PLEKHG1: variants seen among roughly 807,000 people sequenced by gnomAD.
PLEKHG1 encodes pleckstrin homology and RhoGEF domain containing G1.
PLEKHG1 carries 44 observed loss-of-function variants against 100.8 expected under a neutral mutation model. The ratio of observed to expected loss-of-function variants is 0.44; its 90% CI spans 0.34 to 0.56. The LOEUF is 0.56. PLEKHG1 is among the 20% of genes least tolerant of loss of function. The pLI, the probability that PLEKHG1 is intolerant of heterozygous loss-of-function variation, is 0.01. For missense variants in PLEKHG1, 1,545 were observed against 1,720.9 expected, an observed-to-expected ratio of 0.90 and a Z score of 1.81; for synonymous variants, 640 against 662.5, an observed-to-expected ratio of 0.97 and a Z score of 0.52.
intron 3 of PLEKHG1, among the ~76,000 whole-genome samples, chr6:150,659,094 C>T (rs761424607): frequency 1.6e-4 from 25 of 152,298 alleles, no homozygotes; most frequent in Middle Eastern, 3.4e-3. Context: ...GATGTGCACG[C>T]AGCCCAGCCA....
intron 7 of PLEKHG1, among the ~76,000 whole-genome samples, chr6:150,807,651 A>G (rs1772991646): frequency 6.6e-6 from 1 of 152,184 alleles, no homozygotes; most frequent in Admixed American, 6.5e-5. Flanking sequence ...GGGGTGGTTA[A>G]TGAATACAAA....
At chr6:150,669,264 A>G (rs1239160646) in intron 3 of PLEKHG1, among the ~76,000 whole-genome samples, 3 of 152,148 alleles carry the variant, frequency 2.0e-5, no homozygotes, top group East Asian at 1.9e-4. Context: ...TTTTTGCTGT[A>G]CAGAATGAGT....
intron 3 of PLEKHG1, among the ~76,000 whole-genome samples, chr6:150,713,758 G>T (rs187962807): frequency 5.9e-5 from 9 of 152,252 alleles, no homozygotes; most frequent in African/African-American, 1.7e-4. Flanking sequence ...GGGAAGGGGT[G>T]GGGGGCAGTT....
exon 16 of PLEKHG1, chr6:150,840,901 C>T (rs1562574143): frequency 4.4e-6 from 7 of 1,587,872 alleles, no homozygotes; most frequent in Non-Finnish European, 6.0e-6. Context: ...GCTTAAGGTT[C>T]TTCATAATAA....
At chr6:150,707,078 A>C (rs71570233) in intron 3 of PLEKHG1, among the ~76,000 whole-genome samples, 1 of 130,324 alleles carries the variant, frequency 7.7e-6, no homozygotes, top group East Asian at 2.2e-4. Context: ...AATCTCGGCT[A>C]CCTGCAACCT....
chr6:150,607,751 G>A (rs1430917095), intron 1 of PLEKHG1, among the ~76,000 whole-genome samples: 1 of 152,164 alleles, frequency 6.6e-6, no homozygotes, highest in Non-Finnish European at 1.5e-5. Flanking sequence ...AGAGTTTTTA[G>A]GGAATTTCTT....
Position 150,839,686 on chromosome 6 carries a change from A to C in PLEKHG1, c.3095-147A>C, listed in dbSNP as rs1583230092. ...TGTGTGTGTGTGTTGCTCAGAGTTC[A>C]AAGATTACTCATCCTTAGACATCAG... On this transcript the variant is annotated intron_variant, in intron 15 of 15. Transcript: ENST00000358517. 8.3e-6 allele frequency: 5 copies of C among 599,390 alleles called. No homozygotes were observed. The East Asian group carries it at 1.4e-4, about 16-fold the overall frequency. The allele number at this position is 599,390 out of a possible 1,614,324, so 37.1% of individuals were successfully genotyped here. A position where few individuals can be genotyped will look rare whatever the true frequency, so the allele number is the denominator to read the frequency against.
chr6:150,625,869 A>G (rs1374629185), intron 1 of PLEKHG1: 1 of 152,068 alleles, frequency 6.6e-6, no homozygotes, highest in Non-Finnish European at 1.5e-5. Context: ...ACTTCAACAT[A>G]TGAATTTGGG....
intron 3 of PLEKHG1, among the ~76,000 whole-genome samples, chr6:150,699,886 G>A (rs1262553434): frequency 6.6e-6 from 1 of 151,590 alleles, no homozygotes; most frequent in Non-Finnish European, 1.5e-5. Flanking sequence ...CCCTTCTGAG[G>A]ATAAAGACTG....
intron 1 of PLEKHG1, among the ~76,000 whole-genome samples, chr6:150,637,655 C>T (rs573536152): frequency 2.0e-4 from 30 of 152,116 alleles, no homozygotes; most frequent in African/African-American, 6.5e-4. Flanking sequence ...GTTAGACTTA[C>T]GACATAGTTG....
At chr6:150,841,794 C>T (rs930321746) in exon 16 of PLEKHG1, 14 of 152,184 alleles carry the variant, frequency 9.2e-5, no homozygotes, top group African/African-American at 3.1e-4. Context: ...CAAAGTTAAG[C>T]ATGAGCTAAA....
Position 150,732,897 on chromosome 6 carries a change from T to C in PLEKHG1, c.-98-687T>C, listed in dbSNP as rs75769774. 8.8e-3 allele frequency among the ~76,000 whole-genome samples: 1,339 copies of C among 152,332 alleles called. 26 individuals carry two copies. Among genetic ancestry groups the C allele is most frequent in the African/African-American group, 0.031 (1,275 of 41,582 alleles). On this transcript the variant is annotated intron_variant, in intron 1 of 15. Coordinates refer to ENST00000358517, the Ensembl canonical transcript of PLEKHG1. ...GCCACCACGCCCAGTCTGCAGTTCA[T>C]TGTTGACTGAAACATCATTATGCTG...
chr6:150,726,442 C>T (rs1781968239), intron 1 of PLEKHG1, among the ~76,000 whole-genome samples: 1 of 152,196 alleles, frequency 6.6e-6, no homozygotes, highest in South Asian at 2.1e-4. Flanking sequence ...CAATAAAATA[C>T]ATTTTTTAAT....
chr6:150,686,660 T>C (rs1780141654), intron 3 of PLEKHG1: 1 of 152,216 alleles, frequency 6.6e-6, no homozygotes, highest in Non-Finnish European at 1.5e-5. Flanking sequence ...TTTTCTCTTG[T>C]CTCACCTCCC....
chr6:150,776,589 T>C (rs1583104952), intron 3 of PLEKHG1, among the ~76,000 whole-genome samples: 1 of 133,480 alleles, frequency 7.5e-6, no homozygotes. Flanking sequence ...AGTTGCACAT[T>C]ACTCACACTG....
intron 10 of PLEKHG1, among the ~76,000 whole-genome samples, chr6:150,817,091 A>AC (rs1283577579): frequency 1.3e-5 from 2 of 152,126 alleles, no homozygotes; most frequent in Non-Finnish European, 2.9e-5. Flanking sequence ...CAGGCTACGA[A>AC]CTAGTACTAG....
intron 3 of PLEKHG1, among the ~76,000 whole-genome samples, chr6:150,671,741 G>A (rs535080025): frequency 8.5e-5 from 13 of 152,306 alleles, no homozygotes; most frequent in Admixed American, 3.9e-4. Context: ...CTAGTCACAG[G>A]AAAAGACTAG....
intron 1 of PLEKHG1, among the ~76,000 whole-genome samples, chr6:150,613,886 G>A (rs898112842): frequency 1.3e-5 from 2 of 152,104 alleles, no homozygotes; most frequent in African/African-American, 2.4e-5. Context: ...GTTTTTTCTC[G>A]TTTATCCAAC....
rs145410336 is a variant in PLEKHG1, at chr6:150,713,881, A to C, written c.-98-19703A>C. Among the ~76,000 whole-genome samples the C allele has an allele frequency of 5.8e-3, 879 of 152,330 alleles. 8 individuals are homozygous for C. Among genetic ancestry groups the C allele is most frequent in the African/African-American group, 0.02 (849 of 41,568 alleles). On this transcript the variant is annotated intron_variant, in intron 3 of 3. Transcript: ENST00000367326. ...TTTGCCTCTCTCCTCTGCCAGGATGAGAAATTCCTTTGCAAGCCTCCGTAA... is the reference window on the plus strand; with the variant it reads ...TTTGCCTCTCTCCTCTGCCAGGATGCGAAATTCCTTTGCAAGCCTCCGTAA...
Sources: allele counts gnomAD v4.1 joint callset (sites outside exome capture counted in the v4.1 genomes callset), GRCh38; gene constraint gnomAD v4.1.1; transcripts MANE v1.5; gene names NCBI Gene and HGNC (gene_info 2026-07-23, HGNC 2026-07-21).